Variants in MAMDC2 observed in about 807,000 individuals in gnomAD.
MAMDC2 encodes the protein MAM domain-containing protein 2.
Under a neutral mutation model 89.8 loss-of-function variants are expected in MAMDC2, and 57 were observed. The ratio of observed to expected loss-of-function variants is 0.63; its 90% CI spans 0.51 to 0.79. The LOEUF is 0.79. Ranked by LOEUF, MAMDC2 falls within the 30% of genes least tolerant of loss-of-function variation. The pLI, the probability that MAMDC2 is intolerant of heterozygous loss-of-function variation, is 0.00. For missense variants in MAMDC2, 800 were observed against 820.6 expected (o/e 0.97, Z 0.31); for synonymous variants, 313 against 293.4 (o/e 1.07, Z -0.68).
chr9:70,209,605 T>TC (rs2033306902), intron 11 of MAMDC2, among the ~76,000 whole-genome samples: 1 of 151,894 alleles, frequency 6.6e-6, no homozygotes, highest in Admixed American at 6.6e-5. Context: ...CACTGATTTT[T>TC]TTGAAGGGTC....
chr9:70,060,542 C>T (rs1347368538), intron 2 of MAMDC2: 1 of 152,216 alleles, frequency 6.6e-6, no homozygotes, highest in Non-Finnish European at 1.5e-5. Flanking sequence ...GAGTGTTCCA[C>T]TGGGAAAACA....
At chr9:70,108,127 A>C in intron 2 of MAMDC2, 84 bp from the exon 3 acceptor site, 5 of 1,332,324 alleles carry the variant, frequency 3.8e-6, no homozygotes, top group Non-Finnish European at 5.1e-6. Flanking sequence ...TTATCTGCCC[A>C]GAGATTTACT....
intron 12 of MAMDC2, among the ~76,000 whole-genome samples, chr9:70,225,044 C>G (rs946721039): frequency 1.3e-5 from 2 of 152,146 alleles, no homozygotes; most frequent in African/African-American, 4.8e-5. Flanking sequence ...GAACAACTTT[C>G]ATTACCCATG....
intron 11 of MAMDC2, chr9:70,171,863 GT>G (rs2032359918): frequency 6.6e-6 from 1 of 152,142 alleles, no homozygotes; most frequent in South Asian, 2.1e-4. Flanking sequence ...TTCTCATAAT[GT>G]TTTAAGAAAG....
intron 6 of MAMDC2, among the ~76,000 whole-genome samples, chr9:70,127,780 T>G (rs1750279908): frequency 6.6e-6 from 1 of 152,050 alleles, no homozygotes; most frequent in South Asian, 2.1e-4. Context: ...CTCGATTTGT[T>G]CTTGCAGCCC....
At chr9:70,113,159 T>C (rs771991102) in intron 5 of MAMDC2, 27 bp downstream of exon 5, 33 of 1,611,904 alleles carry the variant, frequency 2.0e-5, no homozygotes, top group Non-Finnish European at 2.6e-5. Flanking sequence ...TAGAGTCCTT[T>C]TCCCAGGATA....
intron 2 of MAMDC2, among the ~76,000 whole-genome samples, chr9:70,056,483 T>C (rs1827027382): frequency 6.6e-6 from 1 of 152,224 alleles, no homozygotes; most frequent in Admixed American, 6.5e-5. Context: ...AGTATCTTTG[T>C]TGTCAACTTA....
Position 70,160,649 on chromosome 9 carries a change from A to G in MAMDC2, c.1405-8053A>G, listed in dbSNP as rs148743162. Among the ~76,000 whole-genome samples the G allele has an allele frequency of 3.9e-3, 596 of 152,202 alleles. 3 individuals are homozygous for G. The highest frequency in any genetic ancestry group is 0.013 in the African/African-American group (551 of 41,530). On this transcript the variant is annotated intron_variant, in intron 9 of 13. Transcript: ENST00000377182. ...TGTGAGCATTCTTTCTGGGGGGCCT[A>G]CATTTTCAGCGCAGAGCAGGGCAGT... is the stretch of plus-strand genomic sequence containing the variant.
chr9:70,131,636 G>A, intron 7 of MAMDC2, 24 bp downstream of exon 7: 2 of 1,542,676 alleles, frequency 1.3e-6, no homozygotes, highest in Non-Finnish European at 1.8e-6. Context: ...ATTTGTCATT[G>A]CATTTTGGGA....
At chr9:70,063,429 T>G (rs1029268217) in intron 2 of MAMDC2, among the ~76,000 whole-genome samples, 1 of 152,086 alleles carries the variant, frequency 6.6e-6, no homozygotes, top group Non-Finnish European at 1.5e-5. Flanking sequence ...GGAGTGAGCA[T>G]AGTTCGTGAT....
chr9:70,074,584 C>T (rs1433106188), intron 2 of MAMDC2, among the ~76,000 whole-genome samples: 6 of 152,174 alleles, frequency 3.9e-5, no homozygotes, highest in Non-Finnish European at 7.4e-5. Context: ...CTTGCTTTCC[C>T]AGCCGCCACC....
intron 11 of MAMDC2, among the ~76,000 whole-genome samples, chr9:70,192,016 C>T (rs988440423): frequency 5.3e-5 from 8 of 152,108 alleles, no homozygotes; most frequent in African/African-American, 1.7e-4. Context: ...GCCTTCCCAA[C>T]CCAGTGAGAT....
At chr9:70,049,678 C>T (rs987077234) in intron 2 of MAMDC2, among the ~76,000 whole-genome samples, 7 of 152,158 alleles carry the variant, frequency 4.6e-5, no homozygotes, top group Non-Finnish European at 7.3e-5. Context: ...GGCTGGAAAT[C>T]GGCACAAGTC....
intron 9 of MAMDC2, among the ~76,000 whole-genome samples, chr9:70,156,881 T>G (rs899898171): frequency 1.3e-5 from 2 of 152,216 alleles, no homozygotes; most frequent in African/African-American, 4.8e-5. Context: ...TCATGCCAAC[T>G]TATGAGAAAA....
intron 11 of MAMDC2, among the ~76,000 whole-genome samples, chr9:70,180,692 C>T (rs1400418133): frequency 1.3e-5 from 2 of 152,122 alleles, no homozygotes; most frequent in Admixed American, 1.3e-4. Flanking sequence ...TATCCTTCGG[C>T]CACTTTTTGA....
At chr9:70,173,425 A>C (rs1457312399) in intron 11 of MAMDC2, among the ~76,000 whole-genome samples, 2 of 152,200 alleles carry the variant, frequency 1.3e-5, no homozygotes, top group Admixed American at 1.3e-4. Context: ...ACCTTCACTG[A>C]CACATTTAAT....
chr9:70,054,898 C>T (rs528125113), intron 2 of MAMDC2, among the ~76,000 whole-genome samples: 20 of 152,028 alleles, frequency 1.3e-4, no homozygotes, highest in African/African-American at 4.6e-4. Flanking sequence ...TTATGATGTG[C>T]CCTGGAACTT....
chr9:70,181,776 AAATATAC>A (rs1187283801), intron 11 of MAMDC2, among the ~76,000 whole-genome samples: 2 of 152,286 alleles, frequency 1.3e-5, no homozygotes, highest in Non-Finnish European at 2.9e-5. Context: ...GGGGTTTTCT[AAATATAC>A]AATCATGTCA....
chr9:70,075,064 A>T (rs1187406861), intron 2 of MAMDC2, among the ~76,000 whole-genome samples: 4 of 152,212 alleles, frequency 2.6e-5, no homozygotes, highest in Non-Finnish European at 5.9e-5. Context: ...AGAAGAAACC[A>T]CCCATTATTG....
Sources: allele counts gnomAD v4.1 joint callset (sites outside exome capture counted in the v4.1 genomes callset), GRCh38; gene constraint gnomAD v4.1.1; transcripts MANE v1.5; gene names NCBI Gene and HGNC (gene_info 2026-07-23, HGNC 2026-07-21).